The following EED variants were observed in gnomAD, a reference collection of about 807,000 sequenced individuals.
EED encodes the protein polycomb protein EED.
In EED, 9 loss-of-function variants were observed where a neutral mutation model predicts 61.0. The ratio of observed to expected loss-of-function variants is 0.15; its 90% CI spans 0.09 to 0.26. The LOEUF (loss-of-function observed/expected upper bound fraction) is 0.26. Among genes scored for constraint, EED ranks in the 10% least tolerant of loss-of-function variants. The pLI is 1.00. For missense variants in EED, 315 were observed against 542.3 expected, an observed-to-expected ratio of 0.58 and a Z score of 4.16; for synonymous variants, 187 against 174.4, an observed-to-expected ratio of 1.07 and a Z score of -0.57.
intron 1 of EED, among the ~76,000 whole-genome samples, chr11:86,248,240 T>G (rs1945439934): frequency 6.6e-6 from 1 of 152,226 alleles, no homozygotes; most frequent in Admixed American, 6.5e-5. Flanking sequence ...AGTTTAAAGA[T>G]AAAATGGAAG....
Position 86,276,766 on chromosome 11 carries a change from T to C in EED, c.967-214T>C, listed in dbSNP as rs188422301. 916 of 364,588 alleles carry C rather than the reference T, an allele frequency of 2.5e-3. 3 individuals carry two copies. Among genetic ancestry groups the C allele is most frequent in the Admixed American group, 4.0e-3 (89 of 22,050 alleles). 22.6% of individuals were successfully genotyped at this position (364,588 alleles called of 1,614,324 possible). A position where few individuals can be genotyped will look rare whatever the true frequency, so the allele number is the denominator to read the frequency against. On this transcript the variant is annotated intron_variant, in intron 9 of 11. Coordinates refer to ENST00000263360, the MANE Select transcript of EED (RefSeq NM_003797.5). The stretch of plus-strand genomic sequence containing the variant: ...AATATTTCAGACAATGTGATTCTTT[T>C]GTATTATCGAATTCTGTTGATAATC...
chr11:86,261,427 C>T (rs937965187), intron 6 of EED, among the ~76,000 whole-genome samples: 2 of 152,218 alleles, frequency 1.3e-5, no homozygotes, highest in African/African-American at 2.4e-5. Context: ...GGGTTTGCCA[C>T]GTGCAGCCCA....
intron 9 of EED, among the ~76,000 whole-genome samples, chr11:86,269,663 C>G (rs545931407): frequency 6.6e-6 from 1 of 152,126 alleles, no homozygotes; most frequent in Non-Finnish European, 1.5e-5. Flanking sequence ...AACTGTAATA[C>G]AATATCAAAT....
intron 3 of EED, among the ~76,000 whole-genome samples, chr11:86,253,590 T>G (rs766861604): frequency 4.6e-5 from 7 of 152,150 alleles, no homozygotes; most frequent in Non-Finnish European, 7.4e-5. Context: ...AATTACCACA[T>G]AAGACATAAC....
rs191963863 is a variant in EED, at chr11:86,250,247, A to T, written c.115-49A>T. On this transcript the variant is annotated intron_variant, in intron 1 of 11. Coordinates refer to ENST00000263360, the MANE Select transcript of EED (RefSeq NM_003797.5). Reference sequence around the variant, plus strand: ...TTCCCAGTAGAGTTATTTACTGCTAAAAACAGTATTGCTGTTTCATGTAAT... The same window carrying T: ...TTCCCAGTAGAGTTATTTACTGCTATAAACAGTATTGCTGTTTCATGTAAT... The T allele has an allele frequency of 7.8e-6, 11 of 1,412,606 alleles. No homozygotes were observed. The African/African-American group carries it at 1.0e-4, about 13-fold the overall frequency. The allele number at this position is 1,412,606 out of a possible 1,614,324, so 87.5% of individuals were successfully genotyped here.
Position 86,277,147 on chromosome 11 carries a change from A to C in EED, c.1125+9A>C, listed in dbSNP as rs764582479. 6.4e-7 allele frequency: 1 copy of C among 1,555,782 alleles called. No homozygotes were observed. The highest frequency in any genetic ancestry group is 8.8e-7 in the Non-Finnish European group (1 of 1,142,250). On this transcript the variant is annotated intron_variant, in intron 10 of 11. Coordinates refer to ENST00000263360, the MANE Select transcript of EED (RefSeq NM_003797.5). ...TGGATTTCTGGCAAAAGGTATCAAC[A>C]TACTTTTACATTTTGAAATGATCTG...
Position 86,245,132 on chromosome 11 carries a change from G to GCGGCAA in EED, c.-96_-91dup, listed in dbSNP as rs1201736378. The stretch of plus-strand genomic sequence containing the variant: ...GGGGGCGGTGGAGGTGGCGGCGGCA[G>GCGGCAA]CGGCAACTTTGCGGCAAGCTCGGGC... On this transcript the variant is annotated 5_prime_UTR_variant, in exon 1 of 12. Coordinates refer to ENST00000263360, the MANE Select transcript of EED (RefSeq NM_003797.5). The GCGGCAA allele has an allele frequency of 4.3e-6, 4 of 925,938 alleles. No homozygotes were observed. The highest frequency in any genetic ancestry group is 3.5e-5 in the African/African-American group (2 of 57,190). The allele number at this position is 925,938 out of a possible 1,614,324, so 57.4% of individuals were successfully genotyped here. A position where few individuals can be genotyped will look rare whatever the true frequency, so the allele number is the denominator to read the frequency against.
At chr11:86,274,350 T>G (rs994103968) in intron 9 of EED, among the ~76,000 whole-genome samples, 1 of 152,200 alleles carries the variant, frequency 6.6e-6, no homozygotes, top group Non-Finnish European at 1.5e-5. Flanking sequence ...TGGTATCTAT[T>G]GATTATCTTT....
chr11:86,268,599 G>T (rs1474146684), intron 9 of EED, 38 bp downstream of exon 9: 19 of 977,772 alleles, frequency 1.9e-5, no homozygotes, highest in Non-Finnish European at 2.7e-5. Flanking sequence ...TCCATCGTGT[G>T]TGTGTGTGTG....
intron 6 of EED, among the ~76,000 whole-genome samples, chr11:86,263,095 C>G (rs1055025693): frequency 6.6e-6 from 1 of 152,158 alleles, no homozygotes; most frequent in Non-Finnish European, 1.5e-5. Flanking sequence ...CATGAACCAT[C>G]ACACCCTGCC....
chr11:86,281,380 T>A (rs1434641345), downstream of EED, among the ~76,000 whole-genome samples: 1 of 152,212 alleles, frequency 6.6e-6, no homozygotes, highest in African/African-American at 2.4e-5. Flanking sequence ...TAAGGGTTTG[T>A]CAATTTTGTT....
At chr11:86,279,529 G>A (rs1160568543), downstream of EED, among the ~76,000 whole-genome samples, 1 of 152,142 alleles carries the variant, frequency 6.6e-6, no homozygotes, top group East Asian at 1.9e-4. Flanking sequence ...CATGTGGAGG[G>A]GTTAACTTGA....
intron 6 of EED, among the ~76,000 whole-genome samples, chr11:86,258,109 TCCAGTAGG>T (rs1945723413): frequency 6.6e-6 from 1 of 151,910 alleles, no homozygotes; most frequent in Non-Finnish European, 1.5e-5. Flanking sequence ...CCCTCTACCC[TCCAGTAGG>T]CCCCAGTGTA....
chr11:86,287,443 T>A, the EED span, among the ~76,000 whole-genome samples: 1 of 152,242 alleles, frequency 6.6e-6, no homozygotes, highest in Non-Finnish European at 1.5e-5. Context: ...TTTTCTGATG[T>A]AGAGCAAGAC....
At chr11:86,269,389 T>G (rs1170871720) in intron 9 of EED, among the ~76,000 whole-genome samples, 1 of 152,146 alleles carries the variant, frequency 6.6e-6, no homozygotes, top group Non-Finnish European at 1.5e-5. Flanking sequence ...GAGAAGCTAT[T>G]GGTGATGTTA....
chr11:86,259,410 C>A (rs1392180121), intron 6 of EED, among the ~76,000 whole-genome samples: 1 of 152,006 alleles, frequency 6.6e-6, no homozygotes, highest in African/African-American at 2.4e-5. Context: ...GTGGTGTGAT[C>A]ATGGCTCACT....
chr11:86,278,039 A>G, intron 11 of EED, 48 bp downstream of exon 11: 4 of 1,477,210 alleles, frequency 2.7e-6, no homozygotes, highest in Non-Finnish European at 3.6e-6. Flanking sequence ...TTTTCTCCAC[A>G]CTTGTATGCC....
intron 6 of EED, among the ~76,000 whole-genome samples, chr11:86,263,348 C>T (rs1246764129): frequency 1.3e-5 from 2 of 152,178 alleles, no homozygotes; most frequent in Non-Finnish European, 2.9e-5. Context: ...CTAGCCTGCT[C>T]CTCCAGATTC....
intron 6 of EED, among the ~76,000 whole-genome samples, chr11:86,258,206 G>A (rs1456851019): frequency 6.6e-6 from 1 of 151,968 alleles, no homozygotes; most frequent in African/African-American, 2.4e-5. Context: ...GAAAATCCCA[G>A]GCTATGTTAG....
Sources: gnomAD v4.1 joint callset for allele counts (sites outside exome capture counted in the v4.1 genomes callset) on GRCh38, gnomAD v4.1.1 for gene constraint, MANE v1.5 for transcripts, NCBI Gene and HGNC (gene_info 2026-07-23, HGNC 2026-07-21) for gene names.